Variants in DOCK10 observed in about 807,000 individuals in gnomAD.
DOCK10 encodes dedicator of cytokinesis 10.
In DOCK10, 145 loss-of-function variants were observed where a neutral mutation model predicts 280.1. The observed-to-expected ratio is 0.52, with a 90% confidence interval of 0.45 to 0.59. The LOEUF is 0.59. Among genes scored for constraint, DOCK10 ranks in the 20% least tolerant of loss-of-function variants. DOCK10 has a pLI of 0.00. For missense variants in DOCK10, 2,368 were observed against 2,651.7 expected, an observed-to-expected ratio of 0.89 and a Z score of 2.35; for synonymous variants, 915 against 942.2, an observed-to-expected ratio of 0.97 and a Z score of 0.53.
intron 3 of DOCK10, among the ~76,000 whole-genome samples, chr2:224,908,325 T>G (rs528296851): frequency 1.3e-5 from 2 of 152,002 alleles, no homozygotes; most frequent in African/African-American, 4.8e-5. Context: ...AATTCATTTC[T>G]GGTTTGAACC....
chr2:224,923,041 A>G (rs1329793825), intron 2 of DOCK10, among the ~76,000 whole-genome samples: 1 of 152,192 alleles, frequency 6.6e-6, no homozygotes, highest in Non-Finnish European at 1.5e-5. Context: ...TTCTTGAAAA[A>G]CATCTTTTAC....
chr2:224,775,195 T>C, intron 51 of DOCK10, 80 bp from the exon 52 acceptor site: 1 of 1,324,576 alleles, frequency 7.5e-7, no homozygotes, highest in East Asian at 2.4e-5. Context: ...TCCCTCAGCT[T>C]GCATCCAGAG....
chr2:224,786,880 C>T lies in DOCK10; in HGVS notation c.5655+142G>A, dbSNP rs573544278. 1.1e-5 allele frequency: 7 copies of T among 664,188 alleles called. No homozygotes were observed. The highest frequency in any genetic ancestry group is 7.2e-5 in the African/African-American group (4 of 55,642). 41.1% of individuals were successfully genotyped at this position (664,188 alleles called of 1,614,324 possible). A position where few individuals can be genotyped will look rare whatever the true frequency, so the allele number is the denominator to read the frequency against. Reference sequence around the variant, plus strand: ...CTATGGATAAACATATAGACCATCACATCCAGAGAAACACTCAAGTATAGT... The same window carrying T: ...CTATGGATAAACATATAGACCATCATATCCAGAGAAACACTCAAGTATAGT... On this transcript the variant is annotated intron_variant, in intron 50 of 55. Coordinates refer to ENST00000258390, the MANE Select transcript of DOCK10 (RefSeq NM_014689.3). This position sits in a 1 kb window ranked among gnomAD's most constrained non-coding sequence, Gnocchi z 4.7.
At chr2:224,923,600 T>G (rs1253259712) in intron 2 of DOCK10, among the ~76,000 whole-genome samples, 8 of 152,150 alleles carry the variant, frequency 5.3e-5, no homozygotes, top group African/African-American at 1.4e-4. Context: ...GCAGACATGG[T>G]CTAGGGAAGA....
At chr2:224,954,836 A>G (rs1198132880) in intron 1 of DOCK10, among the ~76,000 whole-genome samples, 3 of 152,204 alleles carry the variant, frequency 2.0e-5, no homozygotes, top group Non-Finnish European at 4.4e-5. Flanking sequence ...TCATTATACT[A>G]TTTTTCCTCT....
chr2:224,868,134 T>C (rs1365230333), intron 11 of DOCK10, among the ~76,000 whole-genome samples: 1 of 151,892 alleles, frequency 6.6e-6, no homozygotes, highest in African/African-American at 2.4e-5. Flanking sequence ...AGGATGGAGA[T>C]GGGAGTAGGG....
At chr2:225,018,929 TTATATATGTG>T (rs1308506812) in intron 1 of DOCK10, among the ~76,000 whole-genome samples, 1 of 149,560 alleles carries the variant, frequency 6.7e-6, no homozygotes, top group Non-Finnish European at 1.5e-5. Flanking sequence ...GTGTATATAG[TTATATATGTG>T]TATATATGTA....
At chr2:224,947,344 C>A (rs1466375181) in intron 1 of DOCK10, among the ~76,000 whole-genome samples, 1 of 152,176 alleles carries the variant, frequency 6.6e-6, no homozygotes, top group African/African-American at 2.4e-5. Flanking sequence ...AACAGCCACC[C>A]AAACTTTATA....
At chr2:225,028,897 G>A (rs1290174869) in intron 1 of DOCK10, among the ~76,000 whole-genome samples, 6 of 152,184 alleles carry the variant, frequency 3.9e-5, no homozygotes, top group African/African-American at 9.7e-5. Flanking sequence ...TAAACCAGGC[G>A]TGTGTGCCCA....
At chr2:224,931,384 G>GA in intron 2 of DOCK10, among the ~76,000 whole-genome samples, 165 bp downstream of exon 2, 1 of 152,270 alleles carries the variant, frequency 6.6e-6, no homozygotes, top group South Asian at 2.1e-4. Context: ...TCAACTTGAG[G>GA]GGGCCCTGGG....
rs763125864 is a variant in DOCK10 at position 224,796,389 on chromosome 2, C to T, written c.4865G>A (p.Gly1622Glu). ...ATGTTGAAACCGAGAGCCTCCAATC[C>T]CAGCATCGGCTATTAACTGGCTCAC... The part of the protein sequence containing the change: ...KAVSQLIADA[G>E]IGGSRFQHSL... The change falls in exon 44 of 56, where the codon GGG (glycine) becomes GAG (glutamate). Residue 1622 changes from glycine (G) to glutamate (E), a missense_variant. Around this residue, in one of 2 missense-constraint regions of DOCK10, gnomAD observed 1,159 missense variants for 1,400.8 expected, o/e 0.83. Coordinates refer to ENST00000258390, the MANE Select transcript of DOCK10 (RefSeq NM_014689.3). 2 of 1,570,618 alleles carry T rather than the reference C, an allele frequency of 1.3e-6. No homozygotes were observed. Among genetic ancestry groups the T allele is most frequent in the African/African-American group, 2.7e-5 (2 of 73,994 alleles).
At chr2:224,886,863 T>G (rs781107389) in intron 4 of DOCK10, among the ~76,000 whole-genome samples, 10 of 150,704 alleles carry the variant, frequency 6.6e-5, no homozygotes, top group Non-Finnish European at 1.5e-4. Flanking sequence ...GAAGCGATTC[T>G]CATGCTGCAT....
chr2:224,982,675 G>T, intron 1 of DOCK10: 2 of 272,494 alleles, frequency 7.3e-6, no homozygotes, highest in Non-Finnish European at 1.1e-5. Context: ...CCTTTCAGAG[G>T]TCTGAATAAA....
At chr2:224,966,948 G>A (rs886720346) in intron 1 of DOCK10, among the ~76,000 whole-genome samples, 4 of 151,866 alleles carry the variant, frequency 2.6e-5, no homozygotes, top group Non-Finnish European at 4.4e-5. Flanking sequence ...TAAAGGAGGC[G>A]GGAATTACAC....
intron 7 of DOCK10, among the ~76,000 whole-genome samples, chr2:224,883,212 C>T (rs1699074019): frequency 1.3e-5 from 2 of 152,184 alleles, no homozygotes; most frequent in Non-Finnish European, 2.9e-5. Context: ...GCCATTCATA[C>T]CTCCATCATC....
intron 2 of DOCK10, among the ~76,000 whole-genome samples, chr2:224,917,246 C>T (rs1369806722): frequency 6.6e-6 from 1 of 151,662 alleles, no homozygotes; most frequent in African/African-American, 2.4e-5. Flanking sequence ...GCTGGGATTA[C>T]AGGTGCCCAC....
intron 1 of DOCK10, among the ~76,000 whole-genome samples, chr2:225,009,759 T>A (rs1030615464): frequency 6.6e-6 from 1 of 152,134 alleles, no homozygotes; most frequent in Non-Finnish European, 1.5e-5. Context: ...CTGGAAAGAC[T>A]TGTTTATAGA....
chr2:224,835,014 G>C (rs1312984217), intron 25 of DOCK10, among the ~76,000 whole-genome samples: 1 of 152,172 alleles, frequency 6.6e-6, no homozygotes, highest in African/African-American at 2.4e-5. Flanking sequence ...GGATTTCACC[G>C]TAATTGAGAG....
chr2:224,963,161 G>T (rs1385758725), intron 1 of DOCK10, among the ~76,000 whole-genome samples: 1 of 152,126 alleles, frequency 6.6e-6, no homozygotes, highest in South Asian at 2.1e-4. Context: ...CCATTGTCTA[G>T]CCTGTTTCAT....
Sources: allele counts gnomAD v4.1 joint callset (sites outside exome capture counted in the v4.1 genomes callset), GRCh38; gene constraint gnomAD v4.1.1; regional missense constraint gnomAD v4.1.1; non-coding constraint Gnocchi (gnomAD v3.1); transcripts MANE v1.5; gene names NCBI Gene and HGNC (gene_info 2026-07-23, HGNC 2026-07-21).